Variants in LMBR1 observed in about 807,000 individuals in gnomAD.
LMBR1 encodes the protein limb development membrane protein 1, also known as limb region 1 protein homolog.
A neutral mutation model predicts 73.9 loss-of-function variants in LMBR1; 52 were observed. That is an observed-to-expected ratio of 0.70 (90% CI 0.56 to 0.89). The LOEUF is 0.89. Ranked by LOEUF, LMBR1 falls within the 40% of genes least tolerant of loss-of-function variation. The pLI is 0.00. For synonymous variants in LMBR1, 215 were observed against 209.4 expected, an observed-to-expected ratio of 1.03 and a Z score of -0.23; for missense variants, 539 against 579.8, an observed-to-expected ratio of 0.93 and a Z score of 0.72.
intron 5 of LMBR1, among the ~76,000 whole-genome samples, chr7:156,785,180 G>C (rs1233245207): frequency 6.6e-6 from 1 of 152,156 alleles, no homozygotes; most frequent in East Asian, 1.9e-4. Context: ...GGGAGGCTGA[G>C]GCAGGAGAAT....
intron 1 of LMBR1, among the ~76,000 whole-genome samples, chr7:156,838,568 A>G (rs990304818): frequency 6.6e-6 from 1 of 152,192 alleles, no homozygotes; most frequent in Non-Finnish European, 1.5e-5. Flanking sequence ...TTACAGCTGA[A>G]TAGTATTCCC....
At chr7:156,828,197 C>T (rs1043771634) in intron 3 of LMBR1, among the ~76,000 whole-genome samples, 5 of 152,148 alleles carry the variant, frequency 3.3e-5, no homozygotes, top group African/African-American at 1.2e-4. Flanking sequence ...TGACCCATTT[C>T]GACATACACT....
At chr7:156,702,463 A>C (rs1485532181) in intron 15 of LMBR1, among the ~76,000 whole-genome samples, 1 of 151,834 alleles carries the variant, frequency 6.6e-6, no homozygotes, top group Non-Finnish European at 1.5e-5. Context: ...CCCACTTTTT[A>C]ATGAGGTTTG....
intron 15 of LMBR1, among the ~76,000 whole-genome samples, chr7:156,696,464 G>T (rs544638219): frequency 3.9e-5 from 6 of 152,308 alleles, no homozygotes; most frequent in Non-Finnish European, 8.8e-5. Context: ...TCATGATGCT[G>T]ATAAAGACAT....
intron 4 of LMBR1, among the ~76,000 whole-genome samples, chr7:156,826,175 T>C (rs1341365013): frequency 6.6e-6 from 1 of 152,172 alleles, no homozygotes; most frequent in East Asian, 1.9e-4. Context: ...AGACAGGGTT[T>C]CTCCATGTTG....
chr7:156,684,366 T>C (rs1299488543), intron 16 of LMBR1, among the ~76,000 whole-genome samples: 5 of 152,136 alleles, frequency 3.3e-5, no homozygotes, highest in Non-Finnish European at 5.9e-5. Context: ...TGAAGACTGC[T>C]GCAAGGCGGA....
At chr7:156,814,474 AG>A (rs1190538192) in intron 4 of LMBR1, among the ~76,000 whole-genome samples, 4 of 152,228 alleles carry the variant, frequency 2.6e-5, no homozygotes, top group Non-Finnish European at 5.9e-5. Flanking sequence ...TGTACAAGCA[AG>A]GCTTCTTAAA....
intron 4 of LMBR1, among the ~76,000 whole-genome samples, 172 bp from the exon 5 acceptor site, chr7:156,796,664 G>T (rs1044499091): frequency 2.0e-5 from 3 of 152,140 alleles, no homozygotes; most frequent in African/African-American, 7.2e-5. Flanking sequence ...TTTTAACATT[G>T]TAACTTGTAC....
intron 15 of LMBR1, among the ~76,000 whole-genome samples, chr7:156,720,157 A>C (rs893129980): frequency 6.6e-6 from 1 of 151,886 alleles, no homozygotes; most frequent in African/African-American, 2.4e-5. Context: ...CTACCATCAG[A>C]GTGAACAGGC....
intron 5 of LMBR1, among the ~76,000 whole-genome samples, chr7:156,764,461 G>A (rs1028812664): frequency 6.6e-6 from 1 of 151,840 alleles, no homozygotes; most frequent in African/African-American, 2.4e-5. Flanking sequence ...CAAACTAAAG[G>A]CCAGACTTTT....
chr7:156,870,835 A>C (rs1799179604), intron 1 of LMBR1, among the ~76,000 whole-genome samples: 1 of 152,220 alleles, frequency 6.6e-6, no homozygotes, highest in Non-Finnish European at 1.5e-5. Flanking sequence ...AAGCAGCAGT[A>C]AGAATGAAGC....
chr7:156,699,202 C>T (rs185480659), intron 15 of LMBR1, among the ~76,000 whole-genome samples: 3 of 152,230 alleles, frequency 2.0e-5, no homozygotes, highest in Admixed American at 2.0e-4. Context: ...GGTACCAAAA[C>T]AGAGATATAG....
At chr7:156,729,748 C>G (rs970360292) in intron 10 of LMBR1, among the ~76,000 whole-genome samples, 26 of 152,322 alleles carry the variant, frequency 1.7e-4, no homozygotes, top group African/African-American at 6.3e-4. Context: ...GCTGGGATTA[C>G]AGGCGTGAGC....
chr7:156,702,595 C>T (rs1400830623), intron 15 of LMBR1, among the ~76,000 whole-genome samples: 2 of 152,148 alleles, frequency 1.3e-5, no homozygotes, highest in Non-Finnish European at 2.9e-5. Flanking sequence ...GTTTCTTTTG[C>T]TGACACAACC....
intron 15 of LMBR1, among the ~76,000 whole-genome samples, chr7:156,710,624 C>T (rs1811880792): frequency 6.6e-6 from 1 of 152,220 alleles, no homozygotes; most frequent in Non-Finnish European, 1.5e-5. Flanking sequence ...CTGAGGAAAA[C>T]TTCCTTGCTA....
At chr7:156,736,613 C>T in intron 9 of LMBR1, 1 of 456,988 alleles carries the variant, frequency 2.2e-6, no homozygotes, top group Non-Finnish European at 4.4e-6. Context: ...CAAAGCATTC[C>T]CACTGTGGCA....
At chr7:156,762,580 G>C (rs1295902567) in intron 7 of LMBR1, among the ~76,000 whole-genome samples, 2 of 152,188 alleles carry the variant, frequency 1.3e-5, no homozygotes, top group Non-Finnish European at 2.9e-5. Context: ...ATCTAAAGGT[G>C]ACAACCATAG....
At chr7:156,729,688 T>C (rs1816473812) in intron 10 of LMBR1, among the ~76,000 whole-genome samples, 1 of 152,122 alleles carries the variant, frequency 6.6e-6, no homozygotes, top group Non-Finnish European at 1.5e-5. Context: ...TTAGCCAGGA[T>C]GGTCCCGATC....
At chr7:156,765,857 A>G (rs1197697112) in intron 5 of LMBR1, among the ~76,000 whole-genome samples, 3 of 152,338 alleles carry the variant, frequency 2.0e-5, no homozygotes, top group East Asian at 1.9e-4. Context: ...TACATGAGCT[A>G]AACAGTGTTA....
Sources: gnomAD v4.1 joint callset for allele counts (sites outside exome capture counted in the v4.1 genomes callset) on GRCh38, gnomAD v4.1.1 for gene constraint, MANE v1.5 for transcripts, NCBI Gene and HGNC (gene_info 2026-07-23, HGNC 2026-07-21) for gene names.